The following RIMS2 variants were observed in gnomAD, a reference collection of about 807,000 sequenced individuals.
RIMS2 encodes the protein regulating synaptic membrane exocytosis protein 2.
A neutral mutation model predicts 174.4 loss-of-function variants in RIMS2; 59 were observed. That is an observed-to-expected ratio of 0.34 (90% CI 0.27 to 0.42). The LOEUF (loss-of-function observed/expected upper bound fraction) is 0.42, where lower values mean the gene tolerates loss of function less well. RIMS2 is among the 10% of genes least tolerant of loss of function. The pLI is 1.00. For missense variants in RIMS2, 1,620 were observed against 1,666.3 expected, an observed-to-expected ratio of 0.97 and a Z score of 0.48; for synonymous variants, 606 against 572.5, an observed-to-expected ratio of 1.06 and a Z score of -0.84.
At chr8:104,242,399 A>T (rs564272580) in intron 19 of RIMS2, among the ~76,000 whole-genome samples, 1 of 152,218 alleles carries the variant, frequency 6.6e-6, no homozygotes, top group South Asian at 2.1e-4. Flanking sequence ...TCAAATGCAT[A>T]TTCAAATTTT....
At chr8:103,980,500 C>T (rs2093807071) in intron 16 of RIMS2, among the ~76,000 whole-genome samples, 1 of 152,120 alleles carries the variant, frequency 6.6e-6, no homozygotes, top group South Asian at 2.1e-4. Flanking sequence ...CACATTCCCA[C>T]CAGTGGTGGC....
At chr8:103,913,970 G>A (rs1164250121) in intron 6 of RIMS2, among the ~76,000 whole-genome samples, 1 of 152,130 alleles carries the variant, frequency 6.6e-6, no homozygotes, top group African/African-American at 2.4e-5. Flanking sequence ...TTATTGTGTG[G>A]CATCCATGTG....
intron 6 of RIMS2, among the ~76,000 whole-genome samples, chr8:103,912,579 A>G (rs1452557606): frequency 1.3e-5 from 2 of 152,158 alleles, no homozygotes; most frequent in South Asian, 2.1e-4. Context: ...TGTATATTGC[A>G]TATGTGTATA....
At chr8:103,606,811 C>A (rs1244824285) in intron 1 of RIMS2, among the ~76,000 whole-genome samples, 1 of 151,666 alleles carries the variant, frequency 6.6e-6, no homozygotes, top group Non-Finnish European at 1.5e-5. Flanking sequence ...TTATCAGAGA[C>A]TAGGATTGCA....
At chr8:103,849,650 T>C (rs149737810) in intron 3 of RIMS2, among the ~76,000 whole-genome samples, 1 of 152,064 alleles carries the variant, frequency 6.6e-6, no homozygotes, top group African/African-American at 2.4e-5. Context: ...TACTTTCCAG[T>C]GGAGGTGACT....
chr8:103,786,545 G>A (rs935519694), intron 3 of RIMS2, among the ~76,000 whole-genome samples: 11 of 152,144 alleles, frequency 7.2e-5, no homozygotes, highest in Non-Finnish European at 1.3e-4. Flanking sequence ...AGTCATTCAG[G>A]AGCAGGTTGT....
intron 19 of RIMS2, among the ~76,000 whole-genome samples, chr8:104,241,036 A>G (rs997402468): frequency 7.9e-5 from 12 of 152,154 alleles, no homozygotes; most frequent in Non-Finnish European, 1.5e-5. Flanking sequence ...TGTAAATGGT[A>G]GAGTGGAGAC....
intron 3 of RIMS2, among the ~76,000 whole-genome samples, chr8:103,773,563 C>G (rs909048888): frequency 6.6e-6 from 1 of 152,032 alleles, no homozygotes; most frequent in East Asian, 1.9e-4. Context: ...AAACCCATCT[C>G]TACTAAAAAT....
chr8:104,061,045 C>T (rs148908610), intron 19 of RIMS2, among the ~76,000 whole-genome samples: 9 of 152,104 alleles, frequency 5.9e-5, no homozygotes, highest in East Asian at 3.9e-4. Context: ...ATGTATATTC[C>T]GTTGATTTGG....
At chr8:103,755,428 A>G (rs1296370931) in intron 2 of RIMS2, among the ~76,000 whole-genome samples, 8 of 152,092 alleles carry the variant, frequency 5.3e-5, no homozygotes, top group Admixed American at 5.2e-4. Context: ...CTTCTCGAGC[A>G]GTATCTTTAT....
At chr8:103,652,564 C>T (rs1000706471) in intron 1 of RIMS2, 60 bp from the exon 3 acceptor site, 12 of 894,788 alleles carry the variant, frequency 1.3e-5, no homozygotes, top group African/African-American at 3.4e-5. Context: ...GATAAGAAAA[C>T]GTTAACCTAC....
chr8:104,203,389 C>G (rs756836377), intron 19 of RIMS2, among the ~76,000 whole-genome samples: 1 of 151,132 alleles, frequency 6.6e-6, no homozygotes, highest in Non-Finnish European at 1.5e-5. Flanking sequence ...AAAATGATCT[C>G]TAAGTGAAGA....
intron 3 of RIMS2, among the ~76,000 whole-genome samples, chr8:103,787,101 T>C (rs1158834932): frequency 2.0e-5 from 3 of 146,654 alleles, no homozygotes; most frequent in Non-Finnish European, 4.5e-5. Flanking sequence ...AACCCCTGCC[T>C]TTTTTTGTTT....
At chr8:103,627,040 C>T (rs2095802700) in intron 1 of RIMS2, among the ~76,000 whole-genome samples, 1 of 152,168 alleles carries the variant, frequency 6.6e-6, no homozygotes, top group Non-Finnish European at 1.5e-5. Context: ...CCCAATCCTA[C>T]TAAGCCTGAG....
At chr8:104,135,153 G>A (rs2133198103) in intron 19 of RIMS2, among the ~76,000 whole-genome samples, 1 of 152,276 alleles carries the variant, frequency 6.6e-6, no homozygotes, top group South Asian at 2.1e-4. Flanking sequence ...CTGCAGAGAG[G>A]AAAGCAGAAG....
At chr8:104,215,247 T>C (rs905203019) in intron 19 of RIMS2, among the ~76,000 whole-genome samples, 11 of 152,204 alleles carry the variant, frequency 7.2e-5, no homozygotes, top group Non-Finnish European at 1.5e-5. Context: ...AACAAAGTGG[T>C]AATCAAAAGA....
At chr8:103,809,026 T>G (rs2098669127) in intron 3 of RIMS2, among the ~76,000 whole-genome samples, 1 of 152,190 alleles carries the variant, frequency 6.6e-6, no homozygotes, top group Admixed American at 6.6e-5. Flanking sequence ...ATGGATTTGA[T>G]TAAAAATCAG....
chr8:104,210,807 A>G (rs1292005500), intron 19 of RIMS2, among the ~76,000 whole-genome samples: 1 of 152,342 alleles, frequency 6.6e-6, no homozygotes, highest in Admixed American at 6.5e-5. Flanking sequence ...ACAGTGCTAC[A>G]TGGTATAACC....
intron 17 of RIMS2, among the ~76,000 whole-genome samples, chr8:104,010,772 G>T (rs1421361695): frequency 6.6e-6 from 1 of 152,028 alleles, no homozygotes; most frequent in African/African-American, 2.4e-5. Context: ...AGGTGAGGGG[G>T]CCCTGGCTTT....
Sources: allele counts gnomAD v4.1 joint callset (sites outside exome capture counted in the v4.1 genomes callset), GRCh38; gene constraint gnomAD v4.1.1; transcripts MANE v1.5; gene names NCBI Gene and HGNC (gene_info 2026-07-23, HGNC 2026-07-21).